Variants in ADAM20 observed in about 807,000 individuals in gnomAD.
The protein encoded by ADAM20 is ADAM metallopeptidase domain 20, also known as disintegrin and metalloproteinase domain-containing protein 20.
For synonymous variants in ADAM20, 305 were observed against 310.2 expected (o/e 0.98, Z 0.18); for missense variants, 871 against 883.2 (o/e 0.99, Z 0.18).
chr14:70,578,441 C>T, the ADAM20 span, among the ~76,000 whole-genome samples: 8 of 151,988 alleles, frequency 5.3e-5, no homozygotes, highest in African/African-American at 1.9e-4. Flanking sequence ...AGGTGAAGAA[C>T]TTATGACTAA....
chr14:70,568,808 C>T, the ADAM20 span, among the ~76,000 whole-genome samples: 2 of 151,936 alleles, frequency 1.3e-5, no homozygotes, highest in African/African-American at 4.8e-5. Context: ...TTCAAATTAA[C>T]CCAGATAAAG....
the ADAM20 span, among the ~76,000 whole-genome samples, chr14:70,567,572 A>C: frequency 6.6e-6 from 1 of 152,170 alleles, no homozygotes; most frequent in Non-Finnish European, 1.5e-5. Flanking sequence ...ATTCGGAGAA[A>C]GCATTTTTTA....
At chr14:70,573,065 C>G in the ADAM20 span, among the ~76,000 whole-genome samples, 1 of 152,122 alleles carries the variant, frequency 6.6e-6, no homozygotes, top group Non-Finnish European at 1.5e-5. Context: ...CCATTTGACC[C>G]AGCAATCCCA....
chr14:70,524,784 T>C lies in ADAM20; in HGVS notation c.-27A>G. 6.2e-7 allele frequency: 1 copy of C among 1,613,786 alleles called. No homozygotes were observed. The highest frequency in any genetic ancestry group is 8.5e-7 in the Non-Finnish European group (1 of 1,179,922). ...ATGAAGCTGTCATTATGGAGCCATC[T>C]GTCTAGAGCAGAAGAGAACAAGGTG... On this transcript the variant is annotated 5_prime_UTR_variant, in exon 2 of 2. Transcript: ENST00000256389.
chr14:70,540,496 T>G, the ADAM20 span, among the ~76,000 whole-genome samples: 1 of 152,206 alleles, frequency 6.6e-6, no homozygotes, highest in African/African-American at 2.4e-5. Context: ...TTATTTGCAT[T>G]TATCGATCAA....
chr14:70,545,431 C>T, the ADAM20 span, among the ~76,000 whole-genome samples: 2 of 152,264 alleles, frequency 1.3e-5, no homozygotes, highest in African/African-American at 4.8e-5. Flanking sequence ...TCACCTGACA[C>T]CTGCCCAAAG....
intron 1 of ADAM20, among the ~76,000 whole-genome samples, chr14:70,534,525 G>A (rs1883789616): frequency 6.6e-6 from 1 of 152,128 alleles, no homozygotes; most frequent in Admixed American, 6.5e-5. Flanking sequence ...CTACACCATG[G>A]ATGAGCATTG....
At position 70,531,492 on chromosome 14, in the gene ADAM20, TG is replaced by T. The variant is rs2139539077; in HGVS notation, c.-177+3304del. Among the ~76,000 whole-genome samples the T allele has an allele frequency of 1.3e-5, 2 of 152,188 alleles. 1 individual carries two copies. The highest frequency in any genetic ancestry group is 3.9e-4 in the East Asian group (2 of 5,180). On this transcript the variant is annotated intron_variant, in intron 1 of 1. Coordinates refer to ENST00000256389, the MANE Select transcript of ADAM20 (RefSeq NM_003814.5). ...TTTTATCCACTTCTATAAAACAGTA[TG>T]GGAAGTCCTAGCCAGAGAAATTAGA...
At chr14:70,575,307 G>GC in the ADAM20 span, among the ~76,000 whole-genome samples, 1 of 152,028 alleles carries the variant, frequency 6.6e-6, no homozygotes, top group Non-Finnish European at 1.5e-5. Context: ...CGATTCTTCT[G>GC]CTTCAGCCTC....
At chr14:70,567,068 T>C in the ADAM20 span, among the ~76,000 whole-genome samples, 1 of 152,066 alleles carries the variant, frequency 6.6e-6, no homozygotes, top group Non-Finnish European at 1.5e-5. Flanking sequence ...CCCTCTGTCC[T>C]CATGACCTAG....
In ADAM20 at chr14:70,524,407, C is replaced by A. The variant is rs759361256; in HGVS notation, c.351G>T (p.Gly117=). ...TAAGGGCAACCAAGGACTCAGGGAC[C>A]CCCTCCACATAACCATGGTAGTAGC... ...DDCYYHGYVE[G]VPESLVALST... The change falls in exon 2 of 2, where the codon GGG becomes GGT. Residue 117 remains glycine (G), a synonymous_variant. Coordinates refer to ENST00000256389, the MANE Select transcript of ADAM20 (RefSeq NM_003814.5). 1.9e-6 allele frequency: 3 copies of A among 1,613,914 alleles called. No homozygotes were observed. Among genetic ancestry groups the A allele is most frequent in the East Asian group, 2.2e-5 (1 of 44,880 alleles).
At position 70,522,760 on chromosome 14, in the gene ADAM20, T is replaced by G; in HGVS notation, c.1998A>C (p.Lys666Asn). 6.2e-7 allele frequency: 1 copy of G among 1,614,044 alleles called. No individual in the cohort carries two copies. The highest frequency in any genetic ancestry group is 8.5e-7 in the Non-Finnish European group (1 of 1,179,928). ...CACTATCAGCACTACCTCCATAGCC[T>G]TTGTCCTTGCAGTATGGGGGTGCCC... ...HEWAPPYCKD[K>N]GYGGSADSGP... The change falls in exon 2 of 2, where the codon AAA becomes AAC. Residue 666 changes from lysine (K) to asparagine (N), a missense_variant. Coordinates refer to ENST00000256389, the MANE Select transcript of ADAM20 (RefSeq NM_003814.5).
chr14:70,525,314 C>A (rs751405906), intron 1 of ADAM20, among the ~76,000 whole-genome samples: 1 of 152,090 alleles, frequency 6.6e-6, no homozygotes, highest in African/African-American at 2.4e-5. Flanking sequence ...CCTAGACTCA[C>A]GAGATCCTCC....
At chr14:70,570,434 G>C in the ADAM20 span, among the ~76,000 whole-genome samples, 1 of 151,918 alleles carries the variant, frequency 6.6e-6, no homozygotes. Context: ...AAATGATAAA[G>C]GTGACATTAC....
chr14:70,572,330 CA>C, the ADAM20 span, among the ~76,000 whole-genome samples: 3 of 152,036 alleles, frequency 2.0e-5, no homozygotes, highest in Admixed American at 2.0e-4. Flanking sequence ...ACAAGGTTGG[CA>C]AAACCAATCA....
the ADAM20 span, among the ~76,000 whole-genome samples, chr14:70,564,736 ATTTT>A: frequency 0.048 from 4,397 of 91,852 alleles, 145 homozygotes; most frequent in African/African-American, 0.091. Context: ...GATAGACGCA[ATTTT>A]TTTTTTTTTT....
chr14:70,553,985 G>T, the ADAM20 span, among the ~76,000 whole-genome samples: 1 of 152,182 alleles, frequency 6.6e-6, no homozygotes, highest in Non-Finnish European at 1.5e-5. Flanking sequence ...TGGAAAGGAA[G>T]AAGTCAAATG....
At chr14:70,540,920 G>T in the ADAM20 span, among the ~76,000 whole-genome samples, 195 of 152,324 alleles carry the variant, frequency 1.3e-3, no homozygotes, top group Non-Finnish European at 2.0e-3. Context: ...AACCTCCTGA[G>T]TAGCTGGGAC....
intron 1 of ADAM20, among the ~76,000 whole-genome samples, chr14:70,532,656 G>A (rs1205533087): frequency 6.6e-6 from 1 of 152,168 alleles, no homozygotes; most frequent in Non-Finnish European, 1.5e-5. Context: ...AAGGATGGAG[G>A]AGTGAGATAG....
Sources: allele counts gnomAD v4.1 joint callset (sites outside exome capture counted in the v4.1 genomes callset), GRCh38; gene constraint gnomAD v4.1.1; transcripts MANE v1.5; gene names NCBI Gene and HGNC (gene_info 2026-07-23, HGNC 2026-07-21).